The following PPIE variants were observed in gnomAD, a reference collection of about 807,000 sequenced individuals.
PPIE encodes the protein peptidyl-prolyl cis-trans isomerase E.
A neutral mutation model predicts 38.4 loss-of-function variants in PPIE; 20 were observed. That is an observed-to-expected ratio of 0.52 (90% CI 0.37 to 0.76). The LOEUF (loss-of-function observed/expected upper bound fraction) is 0.76. Ranked by LOEUF, PPIE falls within the 30% of genes least tolerant of loss-of-function variation. The pLI, the probability that PPIE is intolerant of heterozygous loss-of-function variation, is 0.00. For synonymous variants in PPIE, 142 were observed against 135.7 expected, an observed-to-expected ratio of 1.05 and a Z score of -0.32; for missense variants, 322 against 385.8, an observed-to-expected ratio of 0.83 and a Z score of 1.39.
In PPIE at chr1:39,754,735, ATAGT is replaced by A. The variant is rs1351456458; in HGVS notation, c.*1381_*1384del. Among the ~76,000 whole-genome samples the A allele has an allele frequency of 6.6e-6, 1 of 152,138 alleles. No individual in the cohort carries two copies. Among genetic ancestry groups the A allele is most frequent in the African/African-American group, 2.4e-5 (1 of 41,428 alleles). On this transcript the variant is annotated 3_prime_UTR_variant, in exon 10 of 10. Transcript: ENST00000324379. ...AAGCCAGGTATGGTAGTGCACACCT[ATAGT>A]CCCAGCTACTCAGAAGGCTGAGGTG...
At chr1:39,743,794 A>G (rs771751938) in intron 5 of PPIE, 30 bp from the exon 6 acceptor site, 11 of 1,577,646 alleles carry the variant, frequency 7.0e-6, no homozygotes, top group Admixed American at 1.7e-5. Flanking sequence ...GACAGCTTGA[A>G]TGAACATTTG....
intron 5 of PPIE, 100 bp downstream of exon 5, chr1:39,743,397 C>A: frequency 9.8e-7 from 1 of 1,023,568 alleles, no homozygotes; most frequent in Non-Finnish European, 1.5e-6. Context: ...CTAAATGCTG[C>A]TTCCTGGTAG....
Position 39,753,622 on chromosome 1 carries a change from A to G in PPIE, c.*267A>G, listed in dbSNP as rs1647990034. 1 of 1,313,102 alleles carries G rather than the reference A, an allele frequency of 7.6e-7. No individual in the cohort carries two copies. Among genetic ancestry groups the G allele is most frequent in the African/African-American group, 1.5e-5 (1 of 66,768 alleles). The allele number at this position is 1,313,102 out of a possible 1,614,324, so 81.3% of individuals were successfully genotyped here. ...CAAAAAGCCACTGGCTTTTCTCAGC[A>G]TTTGCTGCTGGGCCTCTCCTGGGAC... On this transcript the variant is annotated 3_prime_UTR_variant, in exon 10 of 10. Transcript: ENST00000324379.
chr1:39,754,941 C>A lies in PPIE; in HGVS notation c.*1586C>A. On this transcript the variant is annotated 3_prime_UTR_variant, in exon 10 of 10. Transcript: ENST00000324379. ...ATACCATGGCCTAGCCAAATTGACA[C>A]ACAAAATAGACCATCACAGTCCCAA... 2.2e-6 allele frequency: 2 copies of A among 920,022 alleles called. No individual in the cohort carries two copies. Among genetic ancestry groups the A allele is most frequent in the Non-Finnish European group, 2.6e-6 (2 of 770,310 alleles). 57.0% of individuals were successfully genotyped at this position (920,022 alleles called of 1,614,324 possible).
intron 8 of PPIE, among the ~76,000 whole-genome samples, chr1:39,751,611 C>A (rs973773460): frequency 6.6e-6 from 1 of 152,208 alleles, no homozygotes; most frequent in African/African-American, 2.4e-5. Context: ...CCTCCCACTT[C>A]AGCCTCCCAG....
chr1:39,754,082 G>C lies in PPIE; in HGVS notation c.*727G>C. On this transcript the variant is annotated 3_prime_UTR_variant, in exon 10 of 10. Coordinates refer to ENST00000324379, the MANE Select transcript of PPIE (RefSeq NM_006112.4). ...TGCCAAGTACTATGCCTATTTGTCA[G>C]GAGACAGGAAGCCAACAAACTACAT... 1.0e-6 allele frequency: 1 copy of C among 985,106 alleles called. No homozygotes were observed. Among genetic ancestry groups the C allele is most frequent in the Non-Finnish European group, 1.2e-6 (1 of 829,646 alleles). 61.0% of individuals were successfully genotyped at this position (985,106 alleles called of 1,614,324 possible).
rs928223441 is a variant in PPIE at position 39,752,904 on chromosome 1, C to T, written c.695-6C>T. 5 of 1,611,896 alleles carry T rather than the reference C, an allele frequency of 3.1e-6. No individual in the cohort carries two copies. Among genetic ancestry groups the T allele is most frequent in the Non-Finnish European group, 4.2e-6 (5 of 1,179,200 alleles). Reference sequence around the variant, plus strand: ...TCGGGGAGCTGATGGTTGTTCTCTCCCTCAGGTCTACTATCCATGGCCAAC... The same window carrying T: ...TCGGGGAGCTGATGGTTGTTCTCTCTCTCAGGTCTACTATCCATGGCCAAC... On this transcript the variant is annotated splice_region_variant and splice_polypyrimidine_tract_variant and intron_variant, in intron 8 of 9. Coordinates refer to ENST00000324379, the MANE Select transcript of PPIE (RefSeq NM_006112.4).
chr1:39,747,448 A>G (rs190313541), intron 7 of PPIE: 1 of 139,262 alleles, frequency 7.2e-6, no homozygotes, highest in Non-Finnish European at 1.5e-5. Flanking sequence ...GTTTTTCCAC[A>G]TCTTCTCTTT....
rs768225355 is a variant in PPIE, at chr1:39,753,359, G to A, written c.*4G>A. On this transcript the variant is annotated 3_prime_UTR_variant, in exon 10 of 10. Transcript: ENST00000324379. ...CGACTGTGGGGAGTACGTGTGAGGC[G>A]GCACTCTCTCTGCTTCCCCCTCCGC... 7 of 1,613,658 alleles carry A rather than the reference G, an allele frequency of 4.3e-6. No individual in the cohort carries two copies. Among genetic ancestry groups the A allele is most frequent in the South Asian group, 1.1e-5 (1 of 91,012 alleles).
intron 2 of PPIE, 89 bp from the exon 3 acceptor site, chr1:39,741,277 G>T (rs766488757): frequency 8.8e-7 from 1 of 1,134,662 alleles, no homozygotes; most frequent in Non-Finnish European, 1.3e-6. Flanking sequence ...GTTTGGATAC[G>T]ACATGTAACT....
Position 39,753,422 on chromosome 1 carries a change from C to G in PPIE, c.*67C>G, listed in dbSNP as rs1430305458. The G allele has an allele frequency of 1.3e-6, 2 of 1,588,076 alleles. No homozygotes were observed. Among genetic ancestry groups the G allele is most frequent in the African/African-American group, 2.7e-5 (2 of 74,390 alleles). ...ATATCCAGGAAGGAACTGCCAGCCT[C>G]AGAGGAGGCAGCACCGAGGGTGCCT... On this transcript the variant is annotated 3_prime_UTR_variant, in exon 10 of 10. Transcript: ENST00000324379.
chr1:39,761,306 C>G (rs1326050263), downstream of PPIE: 1 of 152,800 alleles, frequency 6.5e-6, no homozygotes, highest in African/African-American at 2.4e-5. Context: ...GGGAGCAGCC[C>G]CTGGCTCAAC....
rs749011841 is a variant in PPIE, at chr1:39,741,367, A to T, written c.132A>T (p.Glu44Asp). The change falls in exon 3 of 10, where the codon GAA becomes GAT. Residue 44 changes from glutamate to aspartate, a missense_variant and splice_region_variant. Physicochemically the swap from Glu to Asp is conservative, Grantham distance 45 (BLOSUM62 2). Coordinates refer to ENST00000324379, the MANE Select transcript of PPIE (RefSeq NM_006112.4). ...TGTTTTTGTTTTTCCATTTTGTAGA[A>T]AAGCACCGAGGATTTGCTTTTGTTG... ...DIQIPLDYET[E>D]KHRGFAFVEF... 6.2e-7 allele frequency: 1 copy of T among 1,614,036 alleles called. No individual in the cohort carries two copies. Among genetic ancestry groups the T allele is most frequent in the South Asian group, 1.1e-5 (1 of 91,064 alleles).
chr1:39,763,627 C>CT (rs1261395799), intron 9 of PPIE: 1 of 1,504,654 alleles, frequency 6.6e-7, no homozygotes, highest in Non-Finnish European at 9.0e-7. Flanking sequence ...TTGAAGTCAC[C>CT]ATGATTCTAT....
chr1:39,752,777 C>A, intron 8 of PPIE, 133 bp from the exon 9 acceptor site: 1 of 992,364 alleles, frequency 1.0e-6, no homozygotes. Context: ...GATAAGGTGG[C>A]CGCATTTGCA....
chr1:39,760,010 A>T (rs546296796), downstream of PPIE: 8 of 226,612 alleles, frequency 3.5e-5, no homozygotes, highest in South Asian at 1.5e-4. Context: ...ATGGATGGTG[A>T]AGAGCTCAAG....
rs996876030 is a variant in PPIE, at chr1:39,762,644, C to T, written c.838-1045C>T. 33 of 1,542,676 alleles carry T rather than the reference C, an allele frequency of 2.1e-5. 1 individual carries two copies. Among genetic ancestry groups the T allele is most frequent in the African/African-American group, 8.3e-5 (6 of 72,494 alleles). ...ATCTAGAAGCTTCCTGCCTGCGGTG[C>T]GGCACAGGTGGGTGAGTGCACACGC... On this transcript the variant is annotated intron_variant, in intron 9 of 9. Coordinates refer to the PPIE transcript ENST00000356511.
chr1:39,740,333 A>T, intron 2 of PPIE, 70 bp downstream of exon 2: 2 of 1,263,458 alleles, frequency 1.6e-6, no homozygotes, highest in Middle Eastern at 3.8e-4. Flanking sequence ...AAGTCACATC[A>T]CAATTCTAAA....
At chr1:39,749,287 A>C (rs917973229) in intron 8 of PPIE, among the ~76,000 whole-genome samples, 199 bp downstream of exon 8, 1 of 151,846 alleles carries the variant, frequency 6.6e-6, no homozygotes, top group Non-Finnish European at 1.5e-5. Flanking sequence ...TCATCCCCCA[A>C]CCGTGTCCAC....
Sources: allele counts gnomAD v4.1 joint callset (sites outside exome capture counted in the v4.1 genomes callset), GRCh38; gene constraint gnomAD v4.1.1; transcripts MANE v1.5; gene names NCBI Gene and HGNC (gene_info 2026-07-23, HGNC 2026-07-21).